Variants in CMTM7 observed in about 807,000 individuals in gnomAD.
CMTM7 encodes CKLF-like MARVEL transmembrane domain-containing protein 7.
CMTM7 carries 7 observed loss-of-function variants against 19.3 expected under a neutral mutation model. That is an observed-to-expected ratio of 0.36 (90% CI 0.21 to 0.68). The LOEUF (loss-of-function observed/expected upper bound fraction) is 0.68, where lower values mean the gene tolerates loss of function less well. Ranked by LOEUF, CMTM7 falls within the 30% of genes least tolerant of loss-of-function variation. CMTM7 has a pLI of 0.60. For missense variants in CMTM7, 193 were observed against 232.6 expected (o/e 0.83, Z 1.11); for synonymous variants, 87 against 99.3 (o/e 0.88, Z 0.74).
rs532859505 is a variant in CMTM7, at chr3:32,435,464, C to T, written c.160-6376C>T. Among the ~76,000 whole-genome samples, 6 of 152,296 alleles carry T rather than the reference C, an allele frequency of 3.9e-5. No individual in the cohort carries two copies. In the East Asian group the frequency reaches 7.7e-4, roughly 20 times the overall value. On this transcript the variant is annotated intron_variant, in intron 1 of 4. Coordinates refer to ENST00000334983, the MANE Select transcript of CMTM7 (RefSeq NM_138410.4). ...AAGAAGTACATCTAATTCTTTGCAG[C>T]GCTGTTTGTATTAATGAAAAACTGG... is the stretch of plus-strand genomic sequence containing the variant.
chr3:32,399,489 G>A (rs62250550), intron 1 of CMTM7, among the ~76,000 whole-genome samples: 54,369 of 151,824 alleles, frequency 0.36, 10,429 homozygotes, highest in African/African-American at 0.51. Context: ...AGCGGGTCCT[G>A]GAGACCCTCT....
intron 2 of CMTM7, among the ~76,000 whole-genome samples, chr3:32,448,355 A>C (rs970455925): frequency 6.6e-6 from 1 of 152,212 alleles, no homozygotes; most frequent in South Asian, 2.1e-4. Flanking sequence ...TTGATTTTAC[A>C]TAGCTTTGAG....
chr3:32,417,994 G>A (rs551365163), intron 1 of CMTM7, among the ~76,000 whole-genome samples: 1 of 152,018 alleles, frequency 6.6e-6, no homozygotes, highest in Non-Finnish European at 1.5e-5. Context: ...GCTAATTTTT[G>A]TATTTTTTGT....
intron 1 of CMTM7, among the ~76,000 whole-genome samples, chr3:32,392,946 G>GT (rs1364416472): frequency 6.6e-6 from 1 of 152,144 alleles, no homozygotes; most frequent in Admixed American, 6.5e-5. Flanking sequence ...TTTTCCGTTT[G>GT]TATGATGTGT....
intron 1 of CMTM7, among the ~76,000 whole-genome samples, chr3:32,401,448 C>G (rs1225084064): frequency 1.3e-5 from 2 of 152,210 alleles, no homozygotes; most frequent in Non-Finnish European, 2.9e-5. Context: ...GTGTGAGCCC[C>G]ATAGGTTTTC....
intron 1 of CMTM7, among the ~76,000 whole-genome samples, chr3:32,398,678 C>T (rs1250423281): frequency 6.6e-6 from 1 of 151,632 alleles, no homozygotes; most frequent in East Asian, 1.9e-4. Context: ...GAGGAAATTG[C>T]ATCACAAGCA....
intron 1 of CMTM7, among the ~76,000 whole-genome samples, chr3:32,421,087 C>T (rs1299345699): frequency 6.6e-6 from 1 of 152,044 alleles, no homozygotes; most frequent in African/African-American, 2.4e-5. Flanking sequence ...AGCTCCTCTC[C>T]CTTTTCTTCT....
At chr3:32,413,062 GT>G (rs758792343) in intron 1 of CMTM7, among the ~76,000 whole-genome samples, 2 of 152,176 alleles carry the variant, frequency 1.3e-5, no homozygotes, top group Non-Finnish European at 2.9e-5. Context: ...CCTGCCACCT[GT>G]TTTTGTAAAT....
intron 2 of CMTM7, among the ~76,000 whole-genome samples, chr3:32,448,199 T>G (rs1655432771): frequency 6.6e-6 from 1 of 152,250 alleles, no homozygotes; most frequent in African/African-American, 2.4e-5. Flanking sequence ...GTTGGTTTTC[T>G]CTGCCCCATG....
chr3:32,428,320 C>T (rs1192699834), intron 1 of CMTM7, among the ~76,000 whole-genome samples: 1 of 152,214 alleles, frequency 6.6e-6, no homozygotes, highest in Non-Finnish European at 1.5e-5. Flanking sequence ...GAGTCCGACT[C>T]CTGGGGCCAC....
chr3:32,415,911 T>C (rs755458198), intron 1 of CMTM7, among the ~76,000 whole-genome samples: 1 of 152,234 alleles, frequency 6.6e-6, no homozygotes, highest in Non-Finnish European at 1.5e-5. Flanking sequence ...AGAGCCCACT[T>C]GGTCTTTGTC....
intron 1 of CMTM7, among the ~76,000 whole-genome samples, chr3:32,406,762 GC>G (rs1696097346): frequency 6.6e-6 from 1 of 152,232 alleles, no homozygotes; most frequent in African/African-American, 2.4e-5. Flanking sequence ...GGTAGAAAGA[GC>G]AGGACAAAGA....
rs1696794190 is a variant in CMTM7, at chr3:32,449,222, C to T, written c.334-232C>T. Among the ~76,000 whole-genome samples the T allele has an allele frequency of 6.6e-6, 1 of 152,212 alleles. No homozygotes were observed. Among genetic ancestry groups the T allele is most frequent in the African/African-American group, 2.4e-5 (1 of 41,452 alleles). ...CACCAGAAGCTTCCTTTCTCTCTGTCCTCTTCCCTTCCTGCCTGCCCGGCA... is the reference window on the plus strand; with the variant it reads ...CACCAGAAGCTTCCTTTCTCTCTGTTCTCTTCCCTTCCTGCCTGCCCGGCA... On this transcript the variant is annotated intron_variant, in intron 2 of 4. Coordinates refer to ENST00000334983, the MANE Select transcript of CMTM7 (RefSeq NM_138410.4). The surrounding 1 kb of genome is among the most constrained non-coding windows in gnomAD (Gnocchi z 4.5).
At chr3:32,401,784 TCGCGGCGTC>T (rs1191623466) in intron 1 of CMTM7, among the ~76,000 whole-genome samples, 1 of 152,206 alleles carries the variant, frequency 6.6e-6, no homozygotes, top group African/African-American at 2.4e-5. Context: ...CTGGCAGGGC[TCGCGGCGTC>T]CGCGGCGACT....
At chr3:32,435,061 G>A (rs1057115976) in intron 1 of CMTM7, among the ~76,000 whole-genome samples, 4 of 152,142 alleles carry the variant, frequency 2.6e-5, no homozygotes, top group Non-Finnish European at 5.9e-5. Context: ...AATCTTAAAC[G>A]TGCATATGCT....
chr3:32,440,383 G>A (rs1696657813), intron 1 of CMTM7, among the ~76,000 whole-genome samples: 1 of 151,942 alleles, frequency 6.6e-6, no homozygotes, highest in Non-Finnish European at 1.5e-5. Context: ...TCCAGCCTGG[G>A]CAACAGAGTG....
rs550660512 is a variant in CMTM7 at position 32,438,006 on chromosome 3, A to T, written c.160-3834A>T. On this transcript the variant is annotated intron_variant, in intron 1 of 4. Coordinates refer to ENST00000334983, the MANE Select transcript of CMTM7 (RefSeq NM_138410.4). The stretch of plus-strand genomic sequence containing the variant: ...GAGAGGAGCTAGAAGGCACCTTAAG[A>T]GGCAAGTGAACCCTTTGGACAGCAT... Among the ~76,000 whole-genome samples, 11 of 152,340 alleles carry T rather than the reference A, an allele frequency of 7.2e-5. No homozygotes were observed. The South Asian group carries it at 1.7e-3, about 23-fold the overall frequency.
chr3:32,435,390 A>ACTTTT (rs1696583509), intron 1 of CMTM7, among the ~76,000 whole-genome samples: 1 of 152,240 alleles, frequency 6.6e-6, no homozygotes, highest in South Asian at 2.1e-4. Flanking sequence ...GGCGACTGGG[A>ACTTTT]GAGACTCCAT....
rs1013936567 is a variant in CMTM7, at chr3:32,423,514, C to T, written c.160-18326C>T. On this transcript the variant is annotated intron_variant, in intron 1 of 4. Coordinates refer to ENST00000334983, the MANE Select transcript of CMTM7 (RefSeq NM_138410.4). ...TGCTCCTTCTCGGTTTCTGTGGCTA[C>T]TGGGAAGCCAAAACCAAGAGCTCTC... is the stretch of plus-strand genomic sequence containing the variant. Among the ~76,000 whole-genome samples, 5 of 152,302 alleles carry T rather than the reference C, an allele frequency of 3.3e-5. No individual in the cohort carries two copies. In the South Asian group the frequency reaches 1.0e-3, roughly 32 times the overall value.
Sources: gnomAD v4.1 joint callset for allele counts (sites outside exome capture counted in the v4.1 genomes callset) on GRCh38, gnomAD v4.1.1 for gene constraint, Gnocchi (gnomAD v3.1) non-coding constraint, MANE v1.5 for transcripts, NCBI Gene and HGNC (gene_info 2026-07-23, HGNC 2026-07-21) for gene names.